The following LRRIQ3 variants were observed in gnomAD, a reference collection of about 807,000 sequenced individuals.
LRRIQ3 encodes leucine-rich repeat and IQ domain-containing protein 3.
Under a neutral mutation model 59.3 loss-of-function variants are expected in LRRIQ3, and 75 were observed. The observed-to-expected ratio is 1.26, with a 90% CI of 1.05 to 1.53. The LOEUF is 1.53. Among genes scored for constraint, LRRIQ3 ranks in the 40% most tolerant of loss-of-function variants. The probability of loss-of-function intolerance (pLI) is 0.00; values close to 1 mark genes in which losing one functional copy is unlikely to be tolerated. For synonymous variants in LRRIQ3, 250 were observed against 231.3 expected (o/e 1.08, Z -0.73); for missense variants, 831 against 710.0 (o/e 1.17, Z -1.94).
intron 7 of LRRIQ3, among the ~76,000 whole-genome samples, chr1:74,040,733 G>T (rs897748250): frequency 1.3e-5 from 2 of 152,176 alleles, no homozygotes; most frequent in African/African-American, 4.8e-5. Flanking sequence ...AGTGTTATTT[G>T]AAACCAGTGA....
chr1:74,174,405 G>C (rs1478041936), intron 3 of LRRIQ3, among the ~76,000 whole-genome samples: 1 of 151,662 alleles, frequency 6.6e-6, no homozygotes, highest in African/African-American at 2.4e-5. Flanking sequence ...GTTTTTGACA[G>C]GAGTTTCACT....
intron 5 of LRRIQ3, among the ~76,000 whole-genome samples, chr1:74,103,921 G>A (rs896149072): frequency 6.6e-6 from 1 of 151,774 alleles, no homozygotes; most frequent in Admixed American, 6.6e-5. Context: ...CAACACTCTA[G>A]TCAAAGCCAG....
At chr1:74,091,578 G>A (rs1210856025) in intron 5 of LRRIQ3, among the ~76,000 whole-genome samples, 1 of 151,902 alleles carries the variant, frequency 6.6e-6, no homozygotes, top group Non-Finnish European at 1.5e-5. Flanking sequence ...ATTTCAGAAA[G>A]CATCAAAGAG....
chr1:74,182,441 A>G (rs1570271920), intron 3 of LRRIQ3, 97 bp downstream of exon 3: 1 of 620,368 alleles, frequency 1.6e-6, no homozygotes, highest in Non-Finnish European at 2.4e-6. Flanking sequence ...TGATGCAAAA[A>G]TATTAAAAAG....
At chr1:74,039,884 T>A (rs919745809) in intron 7 of LRRIQ3, among the ~76,000 whole-genome samples, 3 of 152,196 alleles carry the variant, frequency 2.0e-5, no homozygotes, top group Admixed American at 2.0e-4. Flanking sequence ...CCAACTAGTG[T>A]GCAAAATAAC....
intron 6 of LRRIQ3, 21 bp from the exon 7 acceptor site, chr1:74,041,954 T>TACTATAC (rs1654061875): frequency 1.3e-6 from 2 of 1,551,662 alleles, no homozygotes; most frequent in Non-Finnish European, 1.7e-6. Context: ...CAGAAGCAAA[T>TACTATAC]ATTATACATT....
intron 3 of LRRIQ3, 111 bp downstream of exon 3, chr1:74,182,427 T>C: frequency 7.2e-6 from 4 of 558,868 alleles, no homozygotes; most frequent in Non-Finnish European, 1.1e-5. Context: ...TTATTTTATA[T>C]AAATGATGCA....
At chr1:74,183,231 A>G (rs1185673667) in intron 2 of LRRIQ3, 1 of 391,188 alleles carries the variant, frequency 2.6e-6, no homozygotes, top group Non-Finnish European at 4.5e-6. Context: ...AACATACCAG[A>G]TTACACACTA....
intron 3 of LRRIQ3, among the ~76,000 whole-genome samples, chr1:74,165,466 A>T (rs1001350589): frequency 1.3e-5 from 2 of 151,556 alleles, no homozygotes; most frequent in African/African-American, 4.8e-5. Flanking sequence ...AACCTTACTT[A>T]TTAGTTCTAA....
At chr1:74,183,165 G>T (rs980964610) in intron 2 of LRRIQ3, 6 of 311,750 alleles carry the variant, frequency 1.9e-5, no homozygotes, top group Non-Finnish European at 3.5e-5. Context: ...CCTTACCTAA[G>T]GAAAATTAAG....
At chr1:74,086,791 C>G (rs1023411839) in intron 5 of LRRIQ3, among the ~76,000 whole-genome samples, 2 of 151,992 alleles carry the variant, frequency 1.3e-5, no homozygotes, top group Admixed American at 1.3e-4. Context: ...GGACAAAAGA[C>G]TAAAGAGAAT....
chr1:74,045,331 T>C lies in LRRIQ3; in HGVS notation c.998-3398A>G, dbSNP rs140916523. Among the ~76,000 whole-genome samples the C allele has an allele frequency of 7.9e-5, 12 of 152,146 alleles. No homozygotes were observed. The East Asian group carries it at 2.3e-3, about 29-fold the overall frequency. ...CATATGCAAATCAATAAACATAATC[T>C]AGCACATAAACGGAACCAGTGATAA... On this transcript the variant is annotated intron_variant, in intron 6 of 7. Transcript: ENST00000354431.
chr1:74,041,530 A>G lies in LRRIQ3; in HGVS notation c.1401T>C (p.Ala467=). 6.2e-7 allele frequency: 1 copy of G among 1,611,866 alleles called. No homozygotes were observed. The highest frequency in any genetic ancestry group is 8.5e-7 in the Non-Finnish European group (1 of 1,179,460). ...VNEHLNQKKY[A]TQKLIEENKE... ...TATTTTCTTCAATTAGTTTTTGTGT[A>G]GCATATTTTTTCTGATTCAAATGTT... Residue 467 remains alanine, a synonymous_variant, in exon 7 of 8, where the codon GCT becomes GCC. Coordinates refer to ENST00000354431, the MANE Select transcript of LRRIQ3 (RefSeq NM_001105659.2).
chr1:74,143,848 C>T (rs12029814), intron 4 of LRRIQ3, among the ~76,000 whole-genome samples: 46,452 of 151,260 alleles, frequency 0.31, 7,814 homozygotes, highest in Middle Eastern at 0.45. Context: ...AATGCTTTCA[C>T]ATTAACAAAT....
At chr1:74,161,541 A>G (rs1346076181) in intron 3 of LRRIQ3, among the ~76,000 whole-genome samples, 6 of 152,086 alleles carry the variant, frequency 3.9e-5, no homozygotes, top group Non-Finnish European at 7.4e-5. Flanking sequence ...GTAAAAGTGC[A>G]TAAGTGGTGG....
intron 6 of LRRIQ3, among the ~76,000 whole-genome samples, chr1:74,068,284 CTTTA>C (rs1231328360): frequency 6.6e-6 from 1 of 152,040 alleles, no homozygotes; most frequent in Non-Finnish European, 1.5e-5. Context: ...GTGAAGATTT[CTTTA>C]TTTCTCATCT....
intron 4 of LRRIQ3, among the ~76,000 whole-genome samples, chr1:74,114,027 A>G (rs1646741949): frequency 1.3e-5 from 2 of 151,712 alleles, no homozygotes; most frequent in Admixed American, 6.6e-5. Context: ...GTATATTGTT[A>G]TATATATACA....
rs145164387 is a variant in LRRIQ3 at position 74,161,926 on chromosome 1, A to AAAT, written c.574-6063_574-6061dup. ...TGAAGATGAAGGAATCCTCTTTGTA[A>AAAT]AATAATAATAATAATAATAATGCAT... is the stretch of plus-strand genomic sequence containing the variant. On this transcript the variant is annotated intron_variant, in intron 3 of 7. Transcript: ENST00000354431. Among the ~76,000 whole-genome samples the AAAT allele has an allele frequency of 1.6e-3, 239 of 151,590 alleles. 3 individuals carry two copies. The Middle Eastern group carries it at 0.021, about 13-fold the overall frequency.
At position 74,041,690 on chromosome 1, in the gene LRRIQ3, C is replaced by A. The variant is rs370136188; in HGVS notation, c.1241G>T (p.Gly414Val). The A allele has an allele frequency of 3.3e-5, 54 of 1,613,586 alleles. No individual in the cohort carries two copies. The highest frequency in any genetic ancestry group is 4.5e-5 in the Non-Finnish European group (53 of 1,179,796). Residue 414 changes from glycine to valine, a missense_variant, in exon 7 of 8, where the codon GGT becomes GTT. Transcript: ENST00000354431. ...MKEFFAPQRA[G>V]MKLRTFSDID... is the part of the protein sequence containing the mutation. ...ATCACTAAATGTTCGGAGTTTCATA[C>A]CAGCTCTTTGTGGTGCAAAAAACTC...
Sources: gnomAD v4.1 joint callset for allele counts (sites outside exome capture counted in the v4.1 genomes callset) on GRCh38, gnomAD v4.1.1 for gene constraint, MANE v1.5 for transcripts, NCBI Gene and HGNC (gene_info 2026-07-23, HGNC 2026-07-21) for gene names.